The following ZNF17 variants were observed in gnomAD, a reference collection of about 807,000 sequenced individuals.
ZNF17 encodes zinc finger protein 17 (HPF3, KOX 10).
ZNF17 carries 4 observed loss-of-function variants against 7.7 expected under a neutral mutation model. That is an observed-to-expected ratio of 0.52 (90% confidence interval 0.26 to 1.20). The LOEUF is 1.20. Ranked by LOEUF, ZNF17 falls within the 50% of genes most tolerant of loss-of-function variation. The pLI is 0.14. For missense variants in ZNF17, 738 were observed against 799.5 expected, an observed-to-expected ratio of 0.92 and a Z score of 0.93; for synonymous variants, 249 against 258.8, an observed-to-expected ratio of 0.96 and a Z score of 0.36.
chr19:57,411,286 T>G lies in ZNF17; in HGVS notation c.-141T>G. The G allele has an allele frequency of 3.3e-6, 5 of 1,500,216 alleles. No individual in the cohort carries two copies. The highest frequency in any genetic ancestry group is 4.5e-6 in the Non-Finnish European group (5 of 1,106,950). 92.9% of individuals were successfully genotyped at this position (1,500,216 alleles called of 1,614,324 possible). A position where few individuals can be genotyped will look rare whatever the true frequency, so the allele number is the denominator to read the frequency against. ...TTTCCCCGTTGTACAGAGGCTAGAG[T>G]GAGGCTCGGTTGAATCGGTTGCAGG... On this transcript the variant is annotated 5_prime_UTR_variant, in exon 1 of 4. Transcript: ENST00000307658.
At chr19:57,413,491 C>T (rs2088791642) in intron 1 of ZNF17, 105 bp from the exon 2 acceptor site, 10 of 1,223,570 alleles carry the variant, frequency 8.2e-6, no homozygotes, top group Non-Finnish European at 1.2e-5. Flanking sequence ...TACTGTGTAC[C>T]CTCAGATAAC....
chr19:57,411,938 A>G (rs1266389388), intron 1 of ZNF17, among the ~76,000 whole-genome samples: 6 of 152,170 alleles, frequency 3.9e-5, no homozygotes, highest in Admixed American at 2.0e-4. Flanking sequence ...GGTCTATTCC[A>G]TGGATTTTGT....
rs1226791543 is a variant in ZNF17, at chr19:57,419,714, A to C, written c.228A>C (p.Leu76Phe). ...VSVGVSQVTTLKPALSTQKAQ... is the reference protein window; with the variant it reads ...VSVGVSQVTTFKPALSTQKAQ... Reference sequence around the variant, plus strand: ...TAGGAGTGTCACAGGTCACAACTTTAAAGCCAGCTTTGTCCACCCAGAAGG... The same window carrying C: ...TAGGAGTGTCACAGGTCACAACTTTCAAGCCAGCTTTGTCCACCCAGAAGG... The change falls in exon 4 of 4, where the codon TTA becomes TTC. Residue 76 changes from leucine (L) to phenylalanine (F), a missense_variant. Leu to Phe is a conservative substitution (Grantham distance 22). Around this residue, in one of 3 missense-constraint regions of ZNF17, gnomAD observed 616 missense variants for 663.9 expected, o/e 0.93. Transcript: ENST00000307658. The C allele has an allele frequency of 6.2e-7, 1 of 1,614,224 alleles. No individual in the cohort carries two copies. Among genetic ancestry groups the C allele is most frequent in the African/African-American group, 1.3e-5 (1 of 75,046 alleles).
intron 2 of ZNF17, among the ~76,000 whole-genome samples, chr19:57,416,274 C>G (rs2123065408): frequency 6.6e-6 from 1 of 152,168 alleles, no homozygotes; most frequent in Non-Finnish European, 1.5e-5. Context: ...GGAAATACTC[C>G]CAGTTGGGCT....
intron 2 of ZNF17, among the ~76,000 whole-genome samples, chr19:57,414,391 T>C (rs1418030762): frequency 6.7e-6 from 1 of 148,978 alleles, no homozygotes; most frequent in African/African-American, 2.5e-5. Context: ...CGGGAGTGCA[T>C]TGATGTGATC....
chr19:57,411,261 T>G lies in ZNF17; in HGVS notation c.-166T>G, dbSNP rs2088773904. On this transcript the variant is annotated 5_prime_UTR_variant, in exon 1 of 4. Transcript: ENST00000307658. ...AAAAGCGGAAAAACGCGAGAAAAGG[T>G]TTCCCCGTTGTACAGAGGCTAGAGT... The G allele has an allele frequency of 3.8e-6, 5 of 1,310,514 alleles. No individual in the cohort carries two copies. Among genetic ancestry groups the G allele is most frequent in the Admixed American group, 2.6e-5 (1 of 38,440 alleles). 81.2% of individuals were successfully genotyped at this position (1,310,514 alleles called of 1,614,324 possible).
At chr19:57,415,709 G>T (rs1030120880) in intron 2 of ZNF17, among the ~76,000 whole-genome samples, 2 of 152,084 alleles carry the variant, frequency 1.3e-5, no homozygotes, top group African/African-American at 4.8e-5. Context: ...TTATGTTGGA[G>T]ATGGCCTTTG....
Position 57,411,376 on chromosome 19 carries a change from G to T in ZNF17, c.-51G>T. 6.2e-7 allele frequency: 1 copy of T among 1,612,398 alleles called. No individual in the cohort carries two copies. Among genetic ancestry groups the T allele is most frequent in the Non-Finnish European group, 8.5e-7 (1 of 1,179,394 alleles). On this transcript the variant is annotated 5_prime_UTR_variant, in exon 1 of 4. Coordinates refer to ENST00000307658, the MANE Select transcript of ZNF17 (RefSeq NM_001330617.2). The stretch of plus-strand genomic sequence containing the variant: ...CGCCCCGCTCTTCCCTGGCTGTGCT[G>T]GCGGAGGCTGCGCCGATGAACCTGA...
Position 57,421,619 on chromosome 19 carries a change from G to A in ZNF17, c.*138G>A. 3 of 1,040,068 alleles carry A rather than the reference G, an allele frequency of 2.9e-6. No individual in the cohort carries two copies. The South Asian group carries it at 5.3e-5, about 18-fold the overall frequency. 64.4% of individuals were successfully genotyped at this position (1,040,068 alleles called of 1,614,324 possible). A position where few individuals can be genotyped will look rare whatever the true frequency, so the allele number is the denominator to read the frequency against. On this transcript the variant is annotated 3_prime_UTR_variant, in exon 4 of 4. Transcript: ENST00000307658. ...AATCTAACATCTTAACCATGTTAAA[G>A]TGTATAGTTCAGTACTGTTAAGTCA... is the stretch of plus-strand genomic sequence containing the variant.
chr19:57,421,860 T>A lies in ZNF17; in HGVS notation c.*379T>A, dbSNP rs1198476699. The A allele has an allele frequency of 1.2e-5, 2 of 164,806 alleles. No homozygotes were observed. Among genetic ancestry groups the A allele is most frequent in the African/African-American group, 2.4e-5 (1 of 41,864 alleles). The allele number at this position is 164,806 out of a possible 1,614,324, so 10.2% of individuals were successfully genotyped here. A position where few individuals can be genotyped will look rare whatever the true frequency, so the allele number is the denominator to read the frequency against. On this transcript the variant is annotated 3_prime_UTR_variant, in exon 4 of 4. Transcript: ENST00000307658. Reference sequence around the variant, plus strand: ...TTGCTTAACGTTATATTTTTAAGGTTTCATGTTCTAATCCATTAGAATTTC... The same window carrying A: ...TTGCTTAACGTTATATTTTTAAGGTATCATGTTCTAATCCATTAGAATTTC...
rs769367463 is a variant in ZNF17 at position 57,417,971 on chromosome 19, T to C, written c.81T>C (p.Leu27=). Residue 27 remains leucine (L), a synonymous_variant, in exon 3 of 4, where the codon CTT becomes CTC. Transcript: ENST00000307658. ...IHFSQEEWGI[L]NDVQRHLHSD... Reference sequence around the variant, plus strand: ...TCTCCCAGGAGGAGTGGGGAATTCTTAATGACGTTCAGAGACACCTGCACA... The same window carrying C: ...TCTCCCAGGAGGAGTGGGGAATTCTCAATGACGTTCAGAGACACCTGCACA... The C allele has an allele frequency of 6.2e-7, 1 of 1,614,162 alleles. No homozygotes were observed. Among genetic ancestry groups the C allele is most frequent in the South Asian group, 1.1e-5 (1 of 91,072 alleles).
rs1161298359 is a variant in ZNF17 at position 57,413,389 on chromosome 19, A to G, written c.-20-207A>G. The stretch of plus-strand genomic sequence containing the variant: ...ATTTGATGCCCATATAAGCCCTATT[A>G]GTTGGCAATCCTTTTAATCTCTATT... On this transcript the variant is annotated intron_variant, in intron 1 of 3. Coordinates refer to ENST00000307658, the MANE Select transcript of ZNF17 (RefSeq NM_001330617.2). 7 of 558,492 alleles carry G rather than the reference A, an allele frequency of 1.3e-5. No individual in the cohort carries two copies. In the African/African-American group the frequency reaches 1.3e-4, roughly 10 times the overall value. The allele number at this position is 558,492 out of a possible 1,614,324, so 34.6% of individuals were successfully genotyped here.
chr19:57,418,673 C>T (rs1257686430), intron 3 of ZNF17, among the ~76,000 whole-genome samples: 3 of 152,074 alleles, frequency 2.0e-5, no homozygotes, highest in Middle Eastern at 3.2e-3. Context: ...AAGGACTTGG[C>T]CCTGGTGGAT....
Position 57,411,178 on chromosome 19 carries a change from T to G in ZNF17, c.-249T>G, listed in dbSNP as rs2088773060. On this transcript the variant is annotated 5_prime_UTR_variant, in exon 1 of 4. Transcript: ENST00000307658. ...GACTTCCTGCAACGCCTCCTGGGGT[T>G]GTCAATATGGCTGCGTTGGGATCTG... The G allele has an allele frequency of 1.7e-6, 1 of 602,406 alleles. No individual in the cohort carries two copies. The highest frequency in any genetic ancestry group is 3.2e-5 in the Admixed American group (1 of 31,726). 37.3% of individuals were successfully genotyped at this position (602,406 alleles called of 1,614,324 possible). A position where few individuals can be genotyped will look rare whatever the true frequency, so the allele number is the denominator to read the frequency against.
In ZNF17 at chr19:57,412,447, C is replaced by CTTT. The variant is rs371324558; in HGVS notation, c.-21+1041_-21+1042insTTT. Reference sequence around the variant, plus strand: ...CTTATTTATTTATGAATGTGTAAAACATTTTTTTTTTTTTTGAGACAGAGT... The same window carrying CTTT: ...CTTATTTATTTATGAATGTGTAAAACTTTATTTTTTTTTTTTTTGAGACAGAGT... On this transcript the variant is annotated intron_variant, in intron 1 of 3. Transcript: ENST00000307658. 1.3e-3 allele frequency among the ~76,000 whole-genome samples: 147 copies of CTTT among 115,676 alleles called. 4 individuals carry two copies. The highest frequency in any genetic ancestry group is 1.5e-3 in the Non-Finnish European group (77 of 53,012). 75.9% of individuals were successfully genotyped at this position (115,676 alleles called of 152,430 possible).
In ZNF17 at chr19:57,421,375, A is replaced by G. The variant is rs377072580; in HGVS notation, c.1889A>G (p.His630Arg). ...AGATACAACTCCAGCCTCATTAAAC[A>G]TCGGAGAATTCACACTGGAGAGAGA... ...VFRYNSSLIK[H>R]RRIHTGERPY... Residue 630 changes from histidine (H) to arginine (R), a missense_variant, in exon 4 of 4, where the codon CAT becomes CGT. Coordinates refer to ENST00000307658, the MANE Select transcript of ZNF17 (RefSeq NM_001330617.2). 2.4e-5 allele frequency: 39 copies of G among 1,614,098 alleles called. No individual in the cohort carries two copies. Among genetic ancestry groups the G allele is most frequent in the Non-Finnish European group, 3.1e-5 (37 of 1,180,030 alleles).
At chr19:57,411,428 G>A in intron 1 of ZNF17, 22 bp downstream of exon 1, 1 of 1,608,712 alleles carries the variant, frequency 6.2e-7, no homozygotes, top group Non-Finnish European at 8.5e-7. Flanking sequence ...GTCCCAGGGC[G>A]CCCCGCCCGA....
chr19:57,420,374 G>T lies in ZNF17; in HGVS notation c.888G>T (p.Arg296Ser), dbSNP rs755382207. Residue 296 changes from arginine (R) to serine (S), a missense_variant, in exon 4 of 4, where the codon AGG (arginine) becomes AGT (serine). Coordinates refer to ENST00000307658, the MANE Select transcript of ZNF17 (RefSeq NM_001330617.2). The part of the protein sequence containing the change: ...LRKSHLLQHQ[R>S]IHTRPRPYVC... ...AGTCTCACCTACTTCAGCACCAGAG[G>T]ATTCACACCAGGCCAAGGCCTTATG... The T allele has an allele frequency of 6.2e-6, 10 of 1,613,646 alleles. No homozygotes were observed. In the African/African-American group the frequency reaches 1.3e-4, roughly 22 times the overall value.
Position 57,419,826 on chromosome 19 carries a change from A to G in ZNF17, c.340A>G (p.Lys114Glu), listed in dbSNP as rs2123070417. ...HDGTHPKRTAKLYLHQKEHLR... is the reference protein window; with the variant it reads ...HDGTHPKRTAELYLHQKEHLR... The stretch of plus-strand genomic sequence containing the variant: ...CGGAACACACCCCAAGCGTACAGCC[A>G]AGCTTTACCTGCACCAAAAGGAGCA... Residue 114 changes from lysine (K) to glutamate (E), a missense_variant, in exon 4 of 4, where the codon AAG (lysine) becomes GAG (glutamate). This residue lies in a region of ZNF17 where 616 missense variants were observed against 663.9 expected (regional missense o/e 0.93). Coordinates refer to ENST00000307658, the MANE Select transcript of ZNF17 (RefSeq NM_001330617.2). 6.2e-7 allele frequency: 1 copy of G among 1,614,202 alleles called. No homozygotes were observed. Among genetic ancestry groups the G allele is most frequent in the Non-Finnish European group, 8.5e-7 (1 of 1,180,024 alleles).
Sources: allele counts gnomAD v4.1 joint callset (sites outside exome capture counted in the v4.1 genomes callset), GRCh38; gene constraint gnomAD v4.1.1; regional missense constraint gnomAD v4.1.1; transcripts MANE v1.5; gene names NCBI Gene and HGNC (gene_info 2026-07-23, HGNC 2026-07-21).